Variants in LATS2 observed in about 807,000 individuals in gnomAD.
LATS2 encodes the protein serine/threonine-protein kinase LATS2.
LATS2 carries 24 observed loss-of-function variants against 76.0 expected under a neutral mutation model. The observed-to-expected ratio is 0.32, with a 90% CI of 0.23 to 0.44. LATS2 has a LOEUF of 0.44. LATS2 is among the 20% of genes least tolerant of loss of function. LATS2 has a pLI of 1.00. For synonymous variants in LATS2, 692 were observed against 635.4 expected (o/e 1.09, Z -1.34); for missense variants, 1,286 against 1,481.2 (o/e 0.87, Z 2.16).
At chr13:20,977,955 A>G (rs1869701220) in intron 7 of LATS2, among the ~76,000 whole-genome samples, 1 of 151,986 alleles carries the variant, frequency 6.6e-6, no homozygotes, top group South Asian at 2.1e-4. Context: ...TCGCTCTGTC[A>G]TCCAGGTTGG....
chr13:21,015,853 T>G (rs1271011871), intron 2 of LATS2, among the ~76,000 whole-genome samples: 2 of 151,700 alleles, frequency 1.3e-5, no homozygotes, highest in Non-Finnish European at 2.9e-5. Flanking sequence ...GCACCCAGCA[T>G]CATGCCCAGC....
intron 4 of LATS2, among the ~76,000 whole-genome samples, chr13:20,985,924 A>G (rs932066259): frequency 4.6e-5 from 7 of 152,012 alleles, no homozygotes; most frequent in African/African-American, 1.7e-4. Context: ...CATGCCTGTA[A>G]TCCCAGCTGC....
At chr13:20,985,231 A>T (rs1021815801) in intron 4 of LATS2, among the ~76,000 whole-genome samples, 1 of 152,214 alleles carries the variant, frequency 6.6e-6, no homozygotes, top group Non-Finnish European at 1.5e-5. Flanking sequence ...CTAAAATCTC[A>T]AAAGCACAGG....
chr13:20,979,932 G>A (rs1869796554), intron 6 of LATS2, 135 bp from the exon 7 acceptor site: 4 of 480,378 alleles, frequency 8.3e-6, no homozygotes, highest in Non-Finnish European at 1.1e-5. Context: ...GCGCAAGATG[G>A]ACCTATGTAA....
chr13:21,036,074 T>G (rs1333224206), intron 2 of LATS2, among the ~76,000 whole-genome samples: 1 of 152,168 alleles, frequency 6.6e-6, no homozygotes, highest in East Asian at 1.9e-4. Flanking sequence ...AATTTTTGTA[T>G]TTTTAATAGA....
chr13:21,028,631 C>G (rs1033628973), intron 2 of LATS2, among the ~76,000 whole-genome samples: 1 of 152,110 alleles, frequency 6.6e-6, no homozygotes, highest in Non-Finnish European at 1.5e-5. Flanking sequence ...AGTGCAGTAG[C>G]GCGATCTTGA....
chr13:21,057,596 A>G (rs1254724306), intron 1 of LATS2, among the ~76,000 whole-genome samples: 1 of 152,218 alleles, frequency 6.6e-6, no homozygotes, highest in East Asian at 1.9e-4. Context: ...GATCGAGACC[A>G]TCCTGGCTAC....
intron 6 of LATS2, 57 bp from the exon 7 acceptor site, chr13:20,979,854 AT>A: frequency 1.0e-6 from 1 of 963,020 alleles, no homozygotes; most frequent in Non-Finnish European, 1.6e-6. Flanking sequence ...TCCGAGGTGA[AT>A]TTCATTAAGA....
intron 1 of LATS2, among the ~76,000 whole-genome samples, chr13:21,052,382 A>C (rs971551971): frequency 6.6e-5 from 10 of 151,914 alleles, no homozygotes; most frequent in Non-Finnish European, 1.3e-4. Context: ...GGAGAGTCTC[A>C]CTCTGTCACC....
intron 2 of LATS2, among the ~76,000 whole-genome samples, chr13:20,992,441 A>C (rs1870547316): frequency 6.6e-6 from 1 of 152,144 alleles, no homozygotes; most frequent in Non-Finnish European, 1.5e-5. Flanking sequence ...GGTACCGAAG[A>C]GATGCAGCCC....
intron 2 of LATS2, among the ~76,000 whole-genome samples, chr13:21,019,580 T>C (rs972072467): frequency 2.4e-5 from 3 of 126,936 alleles, no homozygotes; most frequent in Non-Finnish European, 4.8e-5. Context: ...TGACCTCAGG[T>C]GATCTGCCTG....
chr13:21,054,034 T>C (rs767659882), intron 1 of LATS2, among the ~76,000 whole-genome samples: 3 of 152,226 alleles, frequency 2.0e-5, no homozygotes, highest in Non-Finnish European at 4.4e-5. Context: ...CTGAACTGTA[T>C]ACTTAAGAAT....
chr13:21,037,059 A>G (rs568984402), intron 2 of LATS2, among the ~76,000 whole-genome samples: 1 of 152,358 alleles, frequency 6.6e-6, no homozygotes, highest in Non-Finnish European at 1.5e-5. Context: ...GCTCTTTACA[A>G]TAAATTATGG....
intron 2 of LATS2, among the ~76,000 whole-genome samples, chr13:21,041,080 C>T (rs1872863897): frequency 6.6e-6 from 1 of 152,064 alleles, no homozygotes; most frequent in South Asian, 2.1e-4. Context: ...TCACACCATT[C>T]TCCTGCCTCA....
At chr13:21,055,364 T>C (rs1263296199) in intron 1 of LATS2, among the ~76,000 whole-genome samples, 3 of 152,194 alleles carry the variant, frequency 2.0e-5, no homozygotes, top group Non-Finnish European at 2.9e-5. Flanking sequence ...TTCTTTGGCA[T>C]CACCAATTGA....
intron 2 of LATS2, among the ~76,000 whole-genome samples, chr13:21,016,075 C>T (rs143343911): frequency 2.0e-5 from 3 of 150,048 alleles, no homozygotes; most frequent in South Asian, 2.1e-4. Context: ...CTGCAACCTC[C>T]GCCTCCTGGG....
Position 20,991,218 on chromosome 13 carries a change from T to C in LATS2, c.475+54A>G. On this transcript the variant is annotated intron_variant, in intron 3 of 7. Transcript: ENST00000382592. This position sits in a 1 kb window ranked among gnomAD's most constrained non-coding sequence, Gnocchi z 4.9. ...TTGGACCCCTCTGCACGTGGTTTTGTTGTCCTTAAGCCACAAACCATCTTT... is the reference window on the plus strand; with the variant it reads ...TTGGACCCCTCTGCACGTGGTTTTGCTGTCCTTAAGCCACAAACCATCTTT... 5.0e-6 allele frequency: 8 copies of C among 1,609,054 alleles called. No homozygotes were observed. The highest frequency in any genetic ancestry group is 6.8e-6 in the Non-Finnish European group (8 of 1,176,896).
At chr13:20,982,155 A>G (rs1436177465) in intron 5 of LATS2, among the ~76,000 whole-genome samples, 2 of 152,274 alleles carry the variant, frequency 1.3e-5, no homozygotes, top group Non-Finnish European at 2.9e-5. Context: ...TGATATTAAA[A>G]TAACTACTTC....
rs1202615310 is a variant in LATS2, at chr13:21,019,419, C to T, written c.342+26266G>A. On this transcript the variant is annotated intron_variant, in intron 2 of 7. Coordinates refer to ENST00000382592, the MANE Select transcript of LATS2 (RefSeq NM_014572.3). ...TCAGCTCACTGCAACCTCTGCCTCC[C>T]GGGTTCAAGCGATTCTCCTGCCTCA... Among the ~76,000 whole-genome samples, 4 of 149,422 alleles carry T rather than the reference C, an allele frequency of 2.7e-5. No individual in the cohort carries two copies. The East Asian group carries it at 5.9e-4, about 22-fold the overall frequency.
Sources: gnomAD v4.1 joint callset for allele counts (sites outside exome capture counted in the v4.1 genomes callset) on GRCh38, gnomAD v4.1.1 for gene constraint, Gnocchi (gnomAD v3.1) non-coding constraint, MANE v1.5 for transcripts, NCBI Gene and HGNC (gene_info 2026-07-23, HGNC 2026-07-21) for gene names.